Variants in RBM41 observed in about 807,000 individuals in gnomAD.
RBM41 encodes RNA binding motif protein 41, also known as RNA-binding protein 41.
A neutral mutation model predicts 30.8 loss-of-function variants in RBM41; 14 were observed. The ratio of observed to expected loss-of-function variants is 0.45; its 90% CI spans 0.30 to 0.71. The LOEUF is 0.71. Among genes scored for constraint, RBM41 ranks in the 30% least tolerant of loss-of-function variants. The probability of loss-of-function intolerance (pLI) is 0.08; values close to 1 mark genes in which losing one functional copy is unlikely to be tolerated. For missense variants in RBM41, 276 were observed against 326.3 expected (o/e 0.85, Z 1.19); for synonymous variants, 120 against 110.1 (o/e 1.09, Z -0.56).
rs191113050 is a variant in RBM41, at chrX:107,069,122, A to G, written c.1147+133T>C. The G allele has an allele frequency of 7.5e-4, 444 of 590,859 alleles. 2 individuals are homozygous for G. The African/African-American group carries it at 9.6e-3, about 13-fold the overall frequency. 48.7% of individuals were successfully genotyped at this position (590,859 alleles called of 1,213,427 possible). Reference sequence around the variant, plus strand: ...GGAAACAGAAAGAAACACTGAAAACATATTTTTCGTTCATTGTCTTGTTCT... The same window carrying G: ...GGAAACAGAAAGAAACACTGAAAACGTATTTTTCGTTCATTGTCTTGTTCT... On this transcript the variant is annotated intron_variant, in intron 7 of 7. Coordinates refer to ENST00000685964, the MANE Select transcript of RBM41 (RefSeq NM_001324242.2).
intron 5 of RBM41, among the ~76,000 whole-genome samples, chrX:107,097,399 G>A (rs1273972962): frequency 1.8e-5 from 2 of 111,588 alleles, no homozygotes; most frequent in African/African-American, 6.5e-5. Flanking sequence ...TAATCCCCAC[G>A]TGTCAAGGGA....
At chrX:107,117,299 G>T (rs1180059968) in intron 1 of RBM41, among the ~76,000 whole-genome samples, 3 of 112,313 alleles carry the variant, frequency 2.7e-5, no homozygotes, top group African/African-American at 9.7e-5. Context: ...AAACAGTTAA[G>T]TGACACAGTG....
At chrX:107,099,704 C>A (rs925556544) in intron 5 of RBM41, among the ~76,000 whole-genome samples, 3 of 109,300 alleles carry the variant, frequency 2.7e-5, no homozygotes, top group African/African-American at 1.0e-4. Flanking sequence ...CACACACACA[C>A]ACACACACAC....
intron 5 of RBM41, among the ~76,000 whole-genome samples, chrX:107,090,704 A>G (rs1188050568): frequency 9.0e-6 from 1 of 111,662 alleles, no homozygotes; most frequent in East Asian, 2.8e-4. Context: ...GCAACTTCCA[A>G]GTTGTTGTTT....
chrX:107,070,735 C>T (rs750507139), intron 6 of RBM41, among the ~76,000 whole-genome samples: 14 of 111,103 alleles, frequency 1.3e-4, no homozygotes, highest in South Asian at 3.9e-4. Flanking sequence ...TTAGGCGGCA[C>T]GGGAGGGTAG....
chrX:107,107,760 G>A (rs954693144), intron 5 of RBM41, among the ~76,000 whole-genome samples: 20 of 110,932 alleles, frequency 1.8e-4, no homozygotes, highest in African/African-American at 5.6e-4. Flanking sequence ...TTGAAAGCAA[G>A]AAGAAATAGA....
chrX:107,090,291 T>C (rs2147614075), intron 5 of RBM41, among the ~76,000 whole-genome samples: 1 of 111,344 alleles, frequency 9.0e-6, no homozygotes, highest in African/African-American at 3.3e-5. Flanking sequence ...GGAGAATTGC[T>C]TGAACCTGGG....
At position 107,115,483 on chromosome X, in the gene RBM41, C is replaced by T. The variant is rs141718313; in HGVS notation, c.392G>A (p.Arg131His). ...LQDIEERISE[R>H]QRILCLPQRF... is the part of the protein sequence containing the mutation. Reference sequence around the variant, plus strand: ...CTGTGGCAGGCAAAGAATGCGCTGACGCTCCGAGATCCTTTCTTCAATATC... The same window carrying T: ...CTGTGGCAGGCAAAGAATGCGCTGATGCTCCGAGATCCTTTCTTCAATATC... The change falls in exon 4 of 8, where the codon CGT becomes CAT. Residue 131 changes from arginine to histidine, a missense_variant. Coordinates refer to ENST00000685964, the MANE Select transcript of RBM41 (RefSeq NM_001324242.2). 5 of 1,209,861 alleles carry T rather than the reference C, an allele frequency of 4.1e-6. No individual in the cohort carries two copies. Among genetic ancestry groups the T allele is most frequent in the Admixed American group, 2.2e-5 (1 of 45,804 alleles).
chrX:107,113,290 T>C, intron 5 of RBM41, 107 bp downstream of exon 5: 1 of 895,381 alleles, frequency 1.1e-6, no homozygotes. Context: ...CTCTGGATCA[T>C]TTCCTATAAA....
intron 1 of RBM41, among the ~76,000 whole-genome samples, chrX:107,117,406 A>G (rs903570537): frequency 1.8e-5 from 2 of 112,065 alleles, no homozygotes; most frequent in Non-Finnish European, 3.8e-5. Context: ...ACTGAAGTAA[A>G]AGGTGATGAA....
chrX:107,110,654 A>G (rs1220777492), intron 5 of RBM41, among the ~76,000 whole-genome samples: 1 of 111,538 alleles, frequency 9.0e-6, no homozygotes, highest in Non-Finnish European at 1.9e-5. Context: ...TTTGAAAAAG[A>G]ACAAAGTTGG....
chrX:107,087,794 G>C (rs968800337), intron 6 of RBM41, among the ~76,000 whole-genome samples: 1 of 111,446 alleles, frequency 9.0e-6, no homozygotes, highest in African/African-American at 3.3e-5. Context: ...AGTAGAGATG[G>C]GGTTTTACCA....
chrX:107,089,591 A>G (rs1276644001), intron 5 of RBM41, among the ~76,000 whole-genome samples: 3 of 112,376 alleles, frequency 2.7e-5, no homozygotes, highest in South Asian at 3.7e-4. Flanking sequence ...CAGAACAGAT[A>G]AAAACTATTA....
At position 107,088,686 on chromosome X, in the gene RBM41, T is replaced by A; in HGVS notation, c.749A>T (p.Asp250Val). The change falls in exon 6 of 8, where the codon GAT (aspartate) becomes GTT (valine). Residue 250 changes from aspartate (D) to valine (V), a missense_variant. Asp to Val is a radical substitution (Grantham distance 152, BLOSUM62 -3). Coordinates refer to ENST00000685964, the MANE Select transcript of RBM41 (RefSeq NM_001324242.2). ...TGATGGGCTCTCAGCTGTGCCACTA[T>A]CACCCACTGATGTAGCTGAGACCAG... ...HSLVSATSVG[D>V]SGTAESPSLL... 8.3e-7 allele frequency: 1 copy of A among 1,211,627 alleles called. No individual in the cohort carries two copies. Among genetic ancestry groups the A allele is most frequent in the Admixed American group, 2.2e-5 (1 of 46,030 alleles).
rs563562638 is a variant in RBM41 at position 107,096,603 on chromosome X, G to A, written c.596-7764C>T. ...TTCACACATAAAAATCAACTCAAAT[G>A]TATAATATATCTAGATGTAAAATCT... is the stretch of plus-strand genomic sequence containing the variant. On this transcript the variant is annotated intron_variant, in intron 5 of 7. Transcript: ENST00000685964. 1.4e-4 allele frequency among the ~76,000 whole-genome samples: 16 copies of A among 111,215 alleles called. No individual in the cohort carries two copies. The South Asian group carries it at 5.6e-3, about 39-fold the overall frequency.
chrX:107,088,274 T>C (rs1263449804), intron 6 of RBM41, among the ~76,000 whole-genome samples, 162 bp downstream of exon 6: 1 of 112,072 alleles, frequency 8.9e-6, no homozygotes, highest in Non-Finnish European at 1.9e-5. Flanking sequence ...GCTACTTATA[T>C]AGTATGCAGA....
intron 5 of RBM41, among the ~76,000 whole-genome samples, chrX:107,106,172 G>GA (rs1420394517): frequency 2.7e-5 from 3 of 111,048 alleles, no homozygotes; most frequent in African/African-American, 6.6e-5. Context: ...AAATTTACAA[G>GA]AAAAAAACAA....
chrX:107,057,012 C>A (rs1350955491), downstream of RBM41, among the ~76,000 whole-genome samples: 2 of 109,532 alleles, frequency 1.8e-5, no homozygotes, highest in Non-Finnish European at 3.8e-5. Context: ...GGACTATAGG[C>A]ATAAGCCACA....
intron 6 of RBM41, among the ~76,000 whole-genome samples, chrX:107,087,698 C>T (rs779620356): frequency 2.7e-5 from 3 of 112,214 alleles, no homozygotes; most frequent in South Asian, 3.7e-4. Flanking sequence ...CTCCGCCTCC[C>T]GGGTTCAAGT....
Sources: gnomAD v4.1 joint callset for allele counts (sites outside exome capture counted in the v4.1 genomes callset) on GRCh38, gnomAD v4.1.1 for gene constraint, MANE v1.5 for transcripts, NCBI Gene and HGNC (gene_info 2026-07-23, HGNC 2026-07-21) for gene names.